Variants in SLC25A21 observed in about 807,000 individuals in gnomAD.
SLC25A21 encodes solute carrier family 25 member 21.
SLC25A21 carries 47 observed loss-of-function variants against 43.8 expected under a neutral mutation model. The ratio of observed to expected loss-of-function variants is 1.07; its 90% confidence interval spans 0.85 to 1.37. The LOEUF (loss-of-function observed/expected upper bound fraction) is 1.37, where lower values mean the gene tolerates loss of function less well. Among genes scored for constraint, SLC25A21 ranks in the 40% most tolerant of loss-of-function variants. The probability of loss-of-function intolerance (pLI) is 0.00; values close to 1 mark genes in which losing one functional copy is unlikely to be tolerated. For synonymous variants in SLC25A21, 131 were observed against 121.3 expected (o/e 1.08, Z -0.52); for missense variants, 352 against 350.2 (o/e 1.00, Z -0.04).
chr14:36,848,036 G>A (rs761873926), intron 2 of SLC25A21, among the ~76,000 whole-genome samples: 12 of 152,150 alleles, frequency 7.9e-5, no homozygotes, highest in Non-Finnish European at 1.6e-4. Flanking sequence ...CCCGAATGGC[G>A]TGGTGACCAA....
chr14:36,787,953 C>T (rs892349244), intron 3 of SLC25A21, among the ~76,000 whole-genome samples: 6 of 152,024 alleles, frequency 3.9e-5, no homozygotes, highest in African/African-American at 4.8e-5. Context: ...AGGTGAAATA[C>T]GGTATAGACA....
chr14:36,959,879 C>A (rs553838023), intron 1 of SLC25A21, among the ~76,000 whole-genome samples: 1 of 152,250 alleles, frequency 6.6e-6, no homozygotes, highest in Admixed American at 6.5e-5. Context: ...GGACTTGGAG[C>A]CAGAAGAAAC....
chr14:36,924,666 A>G (rs950245345), intron 1 of SLC25A21, among the ~76,000 whole-genome samples: 1 of 151,536 alleles, frequency 6.6e-6, no homozygotes, highest in Non-Finnish European at 1.5e-5. Flanking sequence ...CCTAGAACTT[A>G]AAGTATAATA....
intron 3 of SLC25A21, among the ~76,000 whole-genome samples, chr14:36,770,677 C>A (rs956541153): frequency 6.6e-6 from 1 of 152,108 alleles, no homozygotes; most frequent in African/African-American, 2.4e-5. Context: ...CTTGGTGAGG[C>A]ATATAATCCC....
At chr14:36,753,919 CAGAGAGAGAGAGAGAGAGAGAG>C (rs56871881) in intron 3 of SLC25A21, among the ~76,000 whole-genome samples, 1,784 of 130,110 alleles carry the variant, frequency 0.014, 43 homozygotes, top group African/African-American at 0.045. Context: ...TCACTGGGGA[CAGAGAGAGAGAGAGAGAGAGAG>C]AGAGAGAGAG....
intron 1 of SLC25A21, among the ~76,000 whole-genome samples, chr14:36,990,418 C>T (rs10136927): frequency 0.047 from 7,089 of 152,100 alleles, 576 homozygotes; most frequent in African/African-American, 0.16. Flanking sequence ...TTACATGAGA[C>T]TCTGAAATTA....
At chr14:36,939,374 A>G (rs1043323765) in intron 1 of SLC25A21, among the ~76,000 whole-genome samples, 6 of 152,216 alleles carry the variant, frequency 3.9e-5, no homozygotes, top group African/African-American at 1.4e-4. Flanking sequence ...TTTGACTGCA[A>G]TACGATTAAA....
intron 1 of SLC25A21, among the ~76,000 whole-genome samples, chr14:37,084,717 C>CAA (rs1962451607): frequency 6.6e-6 from 1 of 152,150 alleles, no homozygotes; most frequent in African/African-American, 2.4e-5. Flanking sequence ...AGAATAGTTA[C>CAA]AAGTCACTTT....
intron 1 of SLC25A21, among the ~76,000 whole-genome samples, chr14:37,000,058 C>T (rs1960454677): frequency 6.6e-6 from 1 of 152,154 alleles, no homozygotes; most frequent in Non-Finnish European, 1.5e-5. Context: ...TTGATCTCTC[C>T]TACCACCTGT....
rs561463100 is a variant in SLC25A21 at position 36,813,402 on chromosome 14, C to T, written c.203+516G>A. Among the ~76,000 whole-genome samples the T allele has an allele frequency of 2.0e-5, 3 of 152,112 alleles. No homozygotes were observed. In the East Asian group the frequency reaches 5.8e-4, roughly 29 times the overall value. On this transcript the variant is annotated intron_variant, in intron 3 of 9. Coordinates refer to ENST00000331299, the MANE Select transcript of SLC25A21 (RefSeq NM_030631.4). The stretch of plus-strand genomic sequence containing the variant: ...TCTTAAAGACAGTCTTGCTGTCACC[C>T]AGGCCGGAGTGCAGTGGCGCAATCC...
chr14:36,823,804 C>G (rs1888722184), intron 2 of SLC25A21, among the ~76,000 whole-genome samples: 1 of 152,190 alleles, frequency 6.6e-6, no homozygotes, highest in African/African-American at 2.4e-5. Context: ...CAAGCAACCC[C>G]CTTGAGTCCA....
chr14:36,899,748 C>T (rs1040768334), intron 1 of SLC25A21, among the ~76,000 whole-genome samples: 3 of 152,198 alleles, frequency 2.0e-5, no homozygotes, highest in Non-Finnish European at 2.9e-5. Flanking sequence ...TGAAACAATA[C>T]TGTTTCTTCC....
chr14:36,812,136 T>C (rs564283556), intron 3 of SLC25A21, among the ~76,000 whole-genome samples: 4 of 152,232 alleles, frequency 2.6e-5, no homozygotes, highest in Middle Eastern at 3.4e-3. Flanking sequence ...ACAAAAGAAA[T>C]GATACCTAAT....
intron 1 of SLC25A21, among the ~76,000 whole-genome samples, chr14:37,017,240 TCTTC>T (rs552193208): frequency 2.0e-5 from 3 of 152,130 alleles, no homozygotes; most frequent in African/African-American, 7.2e-5. Flanking sequence ...GACCTCTGAC[TCTTC>T]CTTTCACTTG....
chr14:36,960,470 G>A (rs567280190), intron 1 of SLC25A21, among the ~76,000 whole-genome samples: 6 of 151,976 alleles, frequency 3.9e-5, no homozygotes, highest in Admixed American at 1.3e-4. Flanking sequence ...TCAAATCATA[G>A]TAAGATTTGC....
chr14:37,016,625 A>C (rs951596799), intron 1 of SLC25A21, among the ~76,000 whole-genome samples: 2 of 152,040 alleles, frequency 1.3e-5, no homozygotes, highest in East Asian at 1.9e-4. Context: ...AGCTCCTAAA[A>C]AGACAGTCAG....
intron 3 of SLC25A21, among the ~76,000 whole-genome samples, chr14:36,736,196 A>ACCT (rs1885034268): frequency 6.6e-6 from 1 of 152,014 alleles, no homozygotes; most frequent in Non-Finnish European, 1.5e-5. Flanking sequence ...TGGCCTCCCA[A>ACCT]AGTGCTGGGA....
At chr14:36,770,804 A>G (rs1388173528) in intron 3 of SLC25A21, among the ~76,000 whole-genome samples, 1 of 152,168 alleles carries the variant, frequency 6.6e-6, no homozygotes, top group Non-Finnish European at 1.5e-5. Context: ...TTTGCCATAT[A>G]TAATTATGTT....
intron 7 of SLC25A21, among the ~76,000 whole-genome samples, chr14:36,694,014 C>A (rs1468009289): frequency 6.6e-6 from 1 of 152,124 alleles, no homozygotes; most frequent in Admixed American, 6.5e-5. Flanking sequence ...CTGCACCCAT[C>A]AACTCATCAT....
Sources: allele counts gnomAD v4.1 joint callset (sites outside exome capture counted in the v4.1 genomes callset), GRCh38; gene constraint gnomAD v4.1.1; transcripts MANE v1.5; gene names NCBI Gene and HGNC (gene_info 2026-07-23, HGNC 2026-07-21).